The following MTHFSD variants were observed in gnomAD, a reference collection of about 807,000 sequenced individuals.
The protein encoded by MTHFSD is methenyltetrahydrofolate synthetase domain containing.
MTHFSD carries 37 observed loss-of-function variants against 31.1 expected under a neutral mutation model. That is an observed-to-expected ratio of 1.19 (90% CI 0.91 to 1.56). MTHFSD has a LOEUF of 1.56. MTHFSD is among the 40% of genes most tolerant of loss of function. MTHFSD has a pLI of 0.00. For missense variants in MTHFSD, 664 were observed against 510.1 expected, an observed-to-expected ratio of 1.30 and a Z score of -2.91; for synonymous variants, 221 against 206.9, an observed-to-expected ratio of 1.07 and a Z score of -0.59.
At chr16:86,539,860 A>G (rs1229671741) in intron 7 of MTHFSD, among the ~76,000 whole-genome samples, 1 of 152,144 alleles carries the variant, frequency 6.6e-6, no homozygotes, top group African/African-American at 2.4e-5. Flanking sequence ...TCATCAAGAG[A>G]TCTATAATGC....
rs543504451 is a variant in MTHFSD at position 86,555,129 on chromosome 16, C to T, written c.16+40G>A. 113 of 1,532,822 alleles carry T rather than the reference C, an allele frequency of 7.4e-5. No homozygotes were observed. The African/African-American group carries it at 1.3e-3, about 17-fold the overall frequency. 95.0% of individuals were successfully genotyped at this position (1,532,822 alleles called of 1,614,324 possible). A position where few individuals can be genotyped will look rare whatever the true frequency, so the allele number is the denominator to read the frequency against. On this transcript the variant is annotated intron_variant, in intron 1 of 7. Transcript: ENST00000360900. ...CCCTCACCGGTCCCGGCTGTCCCTC[C>T]CCATTCCCAGCCGCCCCGGAGCCCC... is the stretch of plus-strand genomic sequence containing the variant.
chr16:86,552,701 G>A (rs1973342034), intron 2 of MTHFSD, among the ~76,000 whole-genome samples: 1 of 152,030 alleles, frequency 6.6e-6, no homozygotes, highest in African/African-American at 2.4e-5. Flanking sequence ...TCTCTCTGGG[G>A]TCAGAAGCAT....
chr16:86,547,890 A>G (rs1194417815), intron 4 of MTHFSD: 1 of 442,096 alleles, frequency 2.3e-6, no homozygotes, highest in South Asian at 2.9e-5. Context: ...AGATTCTTAA[A>G]AAAGTCACCA....
intron 7 of MTHFSD, among the ~76,000 whole-genome samples, chr16:86,539,805 T>A (rs1461422200): frequency 6.6e-6 from 1 of 152,186 alleles, no homozygotes; most frequent in Non-Finnish European, 1.5e-5. Context: ...CTTTGCGTAT[T>A]GAAAATGGGT....
chr16:86,539,774 G>C lies in MTHFSD; in HGVS notation c.681+1923C>G, dbSNP rs1343351079. 3.3e-5 allele frequency among the ~76,000 whole-genome samples: 5 copies of C among 152,320 alleles called. No individual in the cohort carries two copies. The East Asian group carries it at 9.6e-4, about 29-fold the overall frequency. The stretch of plus-strand genomic sequence containing the variant: ...TACTGGAAAGGTGGAACAAAGGCCA[G>C]GGAATTAGATGCTGAACTGTCTTTG... On this transcript the variant is annotated intron_variant, in intron 7 of 7. Coordinates refer to ENST00000360900, the MANE Select transcript of MTHFSD (RefSeq NM_001159377.2).
chr16:86,554,498 C>G, intron 2 of MTHFSD, 147 bp downstream of exon 2: 1 of 666,092 alleles, frequency 1.5e-6, no homozygotes, highest in Non-Finnish European at 2.6e-6. Flanking sequence ...TAAGGACGCC[C>G]TGGCCAAATG....
rs1480371909 is a variant in MTHFSD at position 86,542,947 on chromosome 16, G to C, written c.443-734C>G. Among the ~76,000 whole-genome samples, 1 of 152,116 alleles carries C rather than the reference G, an allele frequency of 6.6e-6. No individual in the cohort carries two copies. On this transcript the variant is annotated intron_variant, in intron 5 of 7. Coordinates refer to ENST00000360900, the MANE Select transcript of MTHFSD (RefSeq NM_001159377.2). This position sits in a 1 kb window ranked among gnomAD's most constrained non-coding sequence, Gnocchi z 4.6. ...AAGCCTGAGGCACTTCAGAAACTGA[G>C]GCCAGCGAGTGCCACCAGCAGCATC...
At chr16:86,546,015 G>A (rs552602241) in intron 5 of MTHFSD, among the ~76,000 whole-genome samples, 3 of 152,328 alleles carry the variant, frequency 2.0e-5, no homozygotes, top group South Asian at 2.1e-4. Flanking sequence ...AGGGCCCCCT[G>A]GCCTTGTGGA....
At chr16:86,545,041 T>C (rs1011028345) in intron 5 of MTHFSD, among the ~76,000 whole-genome samples, 20 of 152,104 alleles carry the variant, frequency 1.3e-4, no homozygotes, top group Middle Eastern at 3.2e-3. Flanking sequence ...GAACAACACA[T>C]ACTGGGGCCT....
intron 4 of MTHFSD, among the ~76,000 whole-genome samples, chr16:86,547,780 A>AT (rs1487482853): frequency 6.6e-6 from 1 of 152,186 alleles, no homozygotes; most frequent in Non-Finnish European, 1.5e-5. Flanking sequence ...AGTTTTATAC[A>AT]TTAGGCTTAA....
chr16:86,539,084 G>T lies in MTHFSD; in HGVS notation c.681+2613C>A, dbSNP rs1293656193. Among the ~76,000 whole-genome samples the T allele has an allele frequency of 3.3e-5, 5 of 152,194 alleles. 1 individual carries two copies. Among genetic ancestry groups the T allele is most frequent in the Non-Finnish European group, 7.3e-5 (5 of 68,028 alleles). Reference sequence around the variant, plus strand: ...TGCAGAGTGCTGGAATGCATTTTAAGCCCCTTACCCAACCCTACCAGGCTT... The same window carrying T: ...TGCAGAGTGCTGGAATGCATTTTAATCCCCTTACCCAACCCTACCAGGCTT... On this transcript the variant is annotated intron_variant, in intron 7 of 7. Coordinates refer to ENST00000360900, the MANE Select transcript of MTHFSD (RefSeq NM_001159377.2).
Position 86,552,006 on chromosome 16 carries a change from C to T in MTHFSD, c.237+27G>A, listed in dbSNP as rs557317363. The T allele has an allele frequency of 1.9e-4, 308 of 1,613,460 alleles. 4 individuals are homozygous for T. In the South Asian group the frequency reaches 3.2e-3, roughly 17 times the overall value. On this transcript the variant is annotated intron_variant, in intron 3 of 7. Coordinates refer to ENST00000360900, the MANE Select transcript of MTHFSD (RefSeq NM_001159377.2). ...GGTGTCCCCCTTGGCGGCCAGGTCT[C>T]GGCTCGGCTCAGGGAAGTGGAATTA... is the stretch of plus-strand genomic sequence containing the variant.
intron 7 of MTHFSD, among the ~76,000 whole-genome samples, chr16:86,534,299 G>C (rs181702112): frequency 6.6e-6 from 1 of 152,330 alleles, no homozygotes; most frequent in East Asian, 1.9e-4. Context: ...GAGGCCCAAG[G>C]AATCTTCAGC....
chr16:86,547,432 G>A (rs1296728968), intron 4 of MTHFSD: 3 of 985,914 alleles, frequency 3.0e-6, no homozygotes, highest in Non-Finnish European at 3.6e-6. Context: ...GACAAGTTCC[G>A]TATGGATCAG....
chr16:86,553,992 A>G (rs180905517), intron 2 of MTHFSD, among the ~76,000 whole-genome samples: 4 of 152,302 alleles, frequency 2.6e-5, no homozygotes, highest in East Asian at 1.9e-4. Context: ...TTGTAAACGC[A>G]CCAATCAGCA....
At chr16:86,538,432 C>A (rs1245895297) in intron 7 of MTHFSD, among the ~76,000 whole-genome samples, 1 of 152,182 alleles carries the variant, frequency 6.6e-6, no homozygotes, top group East Asian at 1.9e-4. Flanking sequence ...ACAGGAAGTT[C>A]CGTTCTTCTG....
chr16:86,536,130 T>C (rs2143416344), intron 7 of MTHFSD, among the ~76,000 whole-genome samples: 1 of 152,352 alleles, frequency 6.6e-6, no homozygotes, highest in African/African-American at 2.4e-5. Flanking sequence ...GCTGGGATGA[T>C]AGGCGTGAGC....
At position 86,535,533 on chromosome 16, in the gene MTHFSD, A is replaced by T. The variant is rs552228127; in HGVS notation, c.682-3052T>A. ...CTGTCAATCTGGCATGTGAAGTGAA[A>T]AATTATGCTTGTTACTCAAACATGA... is the stretch of plus-strand genomic sequence containing the variant. On this transcript the variant is annotated intron_variant, in intron 7 of 7. Transcript: ENST00000360900. The T allele has an allele frequency of 2.0e-3, 1,964 of 985,240 alleles. 1 individual carries two copies. The highest frequency in any genetic ancestry group is 2.3e-3 in the Non-Finnish European group (1,889 of 829,742). The allele number at this position is 985,240 out of a possible 1,614,324, so 61.0% of individuals were successfully genotyped here.
At chr16:86,544,930 A>C (rs1382724713) in intron 5 of MTHFSD, among the ~76,000 whole-genome samples, 1 of 152,216 alleles carries the variant, frequency 6.6e-6, no homozygotes, top group African/African-American at 2.4e-5. Context: ...GCTGGAAAAC[A>C]TTATCCTCAG....
Sources: gnomAD v4.1 joint callset for allele counts (sites outside exome capture counted in the v4.1 genomes callset) on GRCh38, gnomAD v4.1.1 for gene constraint, Gnocchi (gnomAD v3.1) non-coding constraint, MANE v1.5 for transcripts, NCBI Gene and HGNC (gene_info 2026-07-23, HGNC 2026-07-21) for gene names.